LTBP1: variants seen among roughly 807,000 people sequenced by gnomAD.
LTBP1 encodes the protein latent-transforming growth factor beta-binding protein 1.
In LTBP1, 129 loss-of-function variants were observed where a neutral mutation model predicts 207.6. The observed-to-expected ratio is 0.62, with a 90% confidence interval of 0.54 to 0.72. The LOEUF is 0.72. LTBP1 is among the 30% of genes least tolerant of loss of function. The probability of loss-of-function intolerance (pLI) is 0.00; values close to 1 mark genes in which losing one functional copy is unlikely to be tolerated. For missense variants in LTBP1, 2,281 were observed against 2,217.2 expected, an observed-to-expected ratio of 1.03 and a Z score of -0.58; for synonymous variants, 963 against 833.7, an observed-to-expected ratio of 1.16 and a Z score of -2.67.
chr2:33,006,673 A>G (rs992910904), intron 2 of LTBP1, among the ~76,000 whole-genome samples: 1 of 127,290 alleles, frequency 7.9e-6, no homozygotes, highest in East Asian at 2.7e-4. Flanking sequence ...GTGAACCACC[A>G]TGCCTGACCC....
At chr2:33,003,856 C>A (rs570585071) in intron 2 of LTBP1, among the ~76,000 whole-genome samples, 3 of 152,328 alleles carry the variant, frequency 2.0e-5, no homozygotes, top group South Asian at 2.1e-4. Flanking sequence ...CACAACCTTG[C>A]ACAAAGCCTG....
intron 31 of LTBP1, among the ~76,000 whole-genome samples, chr2:33,377,554 C>T (rs761080307): frequency 6.6e-6 from 1 of 152,150 alleles, no homozygotes; most frequent in Non-Finnish European, 1.5e-5. Flanking sequence ...AAAAAATACT[C>T]TGAATAGAAA....
At chr2:33,324,930 C>G (rs2094407644) in intron 24 of LTBP1, among the ~76,000 whole-genome samples, 1 of 152,138 alleles carries the variant, frequency 6.6e-6, no homozygotes, top group Non-Finnish European at 1.5e-5. Context: ...TGGTCTCTAT[C>G]TTCTGACCTT....
chr2:33,351,145 C>T (rs1302479600), intron 26 of LTBP1, among the ~76,000 whole-genome samples: 5 of 152,176 alleles, frequency 3.3e-5, no homozygotes, highest in Admixed American at 1.3e-4. Context: ...TATCAGTTTT[C>T]GCTAATACAG....
chr2:33,029,013 T>C (rs1397818466), intron 3 of LTBP1, among the ~76,000 whole-genome samples: 2 of 152,240 alleles, frequency 1.3e-5, no homozygotes, highest in African/African-American at 4.8e-5. Context: ...TTGGCTCAAG[T>C]GCTGGTAGAA....
chr2:33,082,408 T>G (rs1276989201), intron 3 of LTBP1, among the ~76,000 whole-genome samples: 1 of 148,754 alleles, frequency 6.7e-6, no homozygotes. Context: ...TCCACAAAGT[T>G]AACCGTGGCT....
chr2:33,370,369 A>G (rs2095052189), intron 31 of LTBP1, among the ~76,000 whole-genome samples: 1 of 152,200 alleles, frequency 6.6e-6, no homozygotes. Flanking sequence ...CGTAAACATT[A>G]ATGGGCATGT....
chr2:32,964,036 G>A (rs1679556055), intron 2 of LTBP1, among the ~76,000 whole-genome samples: 1 of 152,230 alleles, frequency 6.6e-6, no homozygotes, highest in Non-Finnish European at 1.5e-5. Flanking sequence ...ACAAGCTCTT[G>A]TCTAGAGCAT....
At chr2:33,187,529 G>T (rs2087343025) in intron 6 of LTBP1, among the ~76,000 whole-genome samples, 1 of 152,206 alleles carries the variant, frequency 6.6e-6, no homozygotes, top group Non-Finnish European at 1.5e-5. Context: ...ACTTCAATTT[G>T]TTCGTCTGTA....
At chr2:33,287,013 A>G (rs2093678422) in intron 19 of LTBP1, among the ~76,000 whole-genome samples, 2 of 152,196 alleles carry the variant, frequency 1.3e-5, no homozygotes, top group Non-Finnish European at 2.9e-5. Context: ...GCACACCAAC[A>G]TGGCACATGT....
Position 33,170,394 on chromosome 2 carries a change from G to A in LTBP1, c.1202-16462G>A, listed in dbSNP as rs1370760884. Among the ~76,000 whole-genome samples the A allele has an allele frequency of 1.1e-4, 17 of 152,104 alleles. No homozygotes were observed. In the East Asian group the frequency reaches 1.4e-3, roughly 12 times the overall value. ...GAGGGTCCTACGCCCATAGAGTCTC[G>A]CTGATTGCTAGCACAGCAGTCTGAG... On this transcript the variant is annotated intron_variant, in intron 5 of 33. Transcript: ENST00000404816.
chr2:33,366,522 A>G (rs1470151722), intron 31 of LTBP1, among the ~76,000 whole-genome samples: 1 of 152,276 alleles, frequency 6.6e-6, no homozygotes, highest in Non-Finnish European at 1.5e-5. Context: ...TGAATAGCCA[A>G]GGATAAAGAG....
intron 5 of LTBP1, among the ~76,000 whole-genome samples, chr2:33,155,601 C>G (rs2083910808): frequency 6.6e-6 from 1 of 151,982 alleles, no homozygotes; most frequent in East Asian, 1.9e-4. Flanking sequence ...AAGTAGCAAC[C>G]CCCCATCTCA....
At chr2:33,050,869 G>A (rs112648660) in intron 3 of LTBP1, among the ~76,000 whole-genome samples, 15,448 of 152,042 alleles carry the variant, frequency 0.1, 983 homozygotes, top group Non-Finnish European at 0.14. Flanking sequence ...GAGTAGCTGG[G>A]ATTACAGGCG....
chr2:33,073,547 C>T (rs1337172763), intron 3 of LTBP1, among the ~76,000 whole-genome samples: 3 of 152,028 alleles, frequency 2.0e-5, no homozygotes, highest in Non-Finnish European at 4.4e-5. Flanking sequence ...TTCTTCTTCC[C>T]TTTTTAACTG....
intron 3 of LTBP1, among the ~76,000 whole-genome samples, chr2:33,039,733 A>ATTTTTTTTTT (rs759258475): frequency 7.3e-5 from 11 of 151,408 alleles, no homozygotes; most frequent in Non-Finnish European, 1.3e-4. Context: ...GGAATTAAAC[A>ATTTTTTTTTT]TTTTTTTTTA....
At chr2:33,030,629 T>C (rs1291326119) in intron 3 of LTBP1, among the ~76,000 whole-genome samples, 1 of 152,248 alleles carries the variant, frequency 6.6e-6, no homozygotes, top group Non-Finnish European at 1.5e-5. Context: ...ACAGTCTCCT[T>C]GATTAATTTC....
At chr2:33,182,189 T>G (rs2086709212) in intron 5 of LTBP1, among the ~76,000 whole-genome samples, 2 of 152,088 alleles carry the variant, frequency 1.3e-5, no homozygotes, top group Admixed American at 1.3e-4. Flanking sequence ...TGTTGGAGTT[T>G]AGGGATTATT....
intron 24 of LTBP1, among the ~76,000 whole-genome samples, chr2:33,334,160 T>C (rs1449531423): frequency 6.6e-6 from 1 of 152,208 alleles, no homozygotes; most frequent in Non-Finnish European, 1.5e-5. Context: ...GAATGAGAAC[T>C]GATGGAGTAA....
Sources: allele counts gnomAD v4.1 joint callset (sites outside exome capture counted in the v4.1 genomes callset), GRCh38; gene constraint gnomAD v4.1.1; transcripts MANE v1.5; gene names NCBI Gene and HGNC (gene_info 2026-07-23, HGNC 2026-07-21).